Variants in OTUD7A observed in about 807,000 individuals in gnomAD.
OTUD7A encodes the protein OTU deubiquitinase 7A.
OTUD7A carries 12 observed loss-of-function variants against 65.7 expected under a neutral mutation model. The ratio of observed to expected loss-of-function variants is 0.18; its 90% CI spans 0.12 to 0.30. OTUD7A has a LOEUF of 0.30. Ranked by LOEUF, OTUD7A falls within the 10% of genes least tolerant of loss-of-function variation. OTUD7A has a pLI of 1.00. For synonymous variants in OTUD7A, 641 were observed against 586.3 expected (o/e 1.09, Z -1.35); for missense variants, 1,148 against 1,304.8 (o/e 0.88, Z 1.85).
At chr15:31,485,998 C>G (rs1162248652) in intron 12 of OTUD7A, among the ~76,000 whole-genome samples, 2 of 152,200 alleles carry the variant, frequency 1.3e-5, no homozygotes, top group Non-Finnish European at 2.9e-5. Flanking sequence ...GACACTCGGG[C>G]TGGGCCAGGA....
At chr15:31,667,186 T>C (rs1892344664) in intron 1 of OTUD7A, among the ~76,000 whole-genome samples, 1 of 152,162 alleles carries the variant, frequency 6.6e-6, no homozygotes, top group South Asian at 2.1e-4. Context: ...TTTCTTTGAC[T>C]TTCTATCTTG....
intron 1 of OTUD7A, among the ~76,000 whole-genome samples, chr15:31,701,009 T>C (rs1044329614): frequency 2.0e-5 from 3 of 152,202 alleles, no homozygotes; most frequent in Non-Finnish European, 2.9e-5. Flanking sequence ...TTGATCTAGT[T>C]GTGAGAAAAT....
At chr15:31,691,261 A>T (rs2141317900) in intron 1 of OTUD7A, among the ~76,000 whole-genome samples, 1 of 152,334 alleles carries the variant, frequency 6.6e-6, no homozygotes, top group South Asian at 2.1e-4. Flanking sequence ...TGAAACCACA[A>T]AAGACCTTGA....
chr15:31,718,421 T>C (rs2648212), intron 1 of OTUD7A, among the ~76,000 whole-genome samples: 15 of 152,204 alleles, frequency 9.9e-5, no homozygotes, highest in East Asian at 5.8e-4. Context: ...TTCTCCCCCA[T>C]TTATTTCTCT....
At chr15:31,541,131 G>C (rs552064471) in intron 5 of OTUD7A, among the ~76,000 whole-genome samples, 49 of 152,200 alleles carry the variant, frequency 3.2e-4, no homozygotes, top group Non-Finnish European at 5.4e-4. Context: ...GAATTGGGTA[G>C]ACATCTAAAT....
At chr15:31,715,461 T>C (rs1314514080) in intron 1 of OTUD7A, among the ~76,000 whole-genome samples, 1 of 151,840 alleles carries the variant, frequency 6.6e-6, no homozygotes, top group African/African-American at 2.4e-5. Context: ...ATTTCACCAC[T>C]GCTAAGAAGC....
chr15:31,530,601 T>C, intron 6 of OTUD7A, 106 bp downstream of exon 6: 1 of 1,021,578 alleles, frequency 9.8e-7, no homozygotes, highest in Non-Finnish European at 1.4e-6. Context: ...TGGGTGACTC[T>C]ATTTAGTGTA....
intron 3 of OTUD7A, among the ~76,000 whole-genome samples, chr15:31,614,887 G>A (rs1489091410): frequency 6.6e-6 from 1 of 152,136 alleles, no homozygotes; most frequent in Non-Finnish European, 1.5e-5. Flanking sequence ...GTGTTCAGAA[G>A]TACTAAGTTC....
At chr15:31,491,021 C>A (rs928713338) in intron 10 of OTUD7A, among the ~76,000 whole-genome samples, 2 of 152,128 alleles carry the variant, frequency 1.3e-5, no homozygotes, top group African/African-American at 2.4e-5. Flanking sequence ...AAAGGAAAGG[C>A]ATGCTTCTTT....
chr15:31,850,407 T>C (rs1293746733), intron 1 of OTUD7A, among the ~76,000 whole-genome samples: 1 of 150,116 alleles, frequency 6.7e-6, no homozygotes, highest in African/African-American at 2.5e-5. Context: ...CTGGGGCCTG[T>C]TGTGGGGTGG....
rs186622263 is a variant in OTUD7A at position 31,859,086 on chromosome 15, T to C, written c.-100+11421A>G. On this transcript the variant is annotated intron_variant, in intron 1 of 12. Transcript: ENST00000307050. ...GCACTATAAAACTGCAAAGACATGA[T>C]GATATGCTGTATGCAAGTTAACAAA... Among the ~76,000 whole-genome samples the C allele has an allele frequency of 7.6e-3, 1,165 of 152,390 alleles. 8 individuals carry two copies. Among genetic ancestry groups the C allele is most frequent in the Non-Finnish European group, 0.013 (864 of 68,036 alleles).
chr15:31,493,258 G>C (rs1483754443), intron 10 of OTUD7A, among the ~76,000 whole-genome samples: 1 of 151,996 alleles, frequency 6.6e-6, no homozygotes, highest in Non-Finnish European at 1.5e-5. Flanking sequence ...TGTCAAAGTA[G>C]GCTCCACAAC....
At chr15:31,745,520 C>T (rs1309809625) in intron 1 of OTUD7A, among the ~76,000 whole-genome samples, 1 of 152,040 alleles carries the variant, frequency 6.6e-6, no homozygotes, top group Non-Finnish European at 1.5e-5. Context: ...CTACCTAATG[C>T]CACAAACAAA....
At chr15:31,777,351 A>C (rs1023895919) in intron 1 of OTUD7A, among the ~76,000 whole-genome samples, 1 of 152,194 alleles carries the variant, frequency 6.6e-6, no homozygotes, top group Non-Finnish European at 1.5e-5. Context: ...TATTCAGTCT[A>C]TAGTACCCCA....
intron 1 of OTUD7A, among the ~76,000 whole-genome samples, chr15:31,753,167 T>A (rs1894684779): frequency 6.6e-6 from 1 of 152,106 alleles, no homozygotes; most frequent in Non-Finnish European, 1.5e-5. Flanking sequence ...CCAGCAGTTT[T>A]ACCACCATTA....
At chr15:31,830,800 T>C (rs988223710) in intron 1 of OTUD7A, among the ~76,000 whole-genome samples, 3 of 152,354 alleles carry the variant, frequency 2.0e-5, no homozygotes, top group African/African-American at 7.2e-5. Context: ...GTCATCACCA[T>C]CACTCAGTGA....
chr15:31,786,820 T>C (rs1895685576), intron 1 of OTUD7A, among the ~76,000 whole-genome samples: 1 of 152,024 alleles, frequency 6.6e-6, no homozygotes, highest in Non-Finnish European at 1.5e-5. Flanking sequence ...CATCCCAGAG[T>C]TCTGACCCAG....
In OTUD7A at chr15:31,638,638, C is replaced by T. The variant is rs138839289; in HGVS notation, c.151+16458G>A. 5.9e-5 allele frequency among the ~76,000 whole-genome samples: 9 copies of T among 151,996 alleles called. No individual in the cohort carries two copies. The East Asian group carries it at 9.7e-4, about 16-fold the overall frequency. On this transcript the variant is annotated intron_variant, in intron 3 of 12. Transcript: ENST00000307050. ...TCTGGAACTCTGGGCTCAAGCTATCCGTCCTCCTTGGCTCTCAAAGTGCTG... is the reference window on the plus strand; with the variant it reads ...TCTGGAACTCTGGGCTCAAGCTATCTGTCCTCCTTGGCTCTCAAAGTGCTG...
chr15:31,508,167 A>G (rs1388820455), intron 8 of OTUD7A, among the ~76,000 whole-genome samples: 1 of 152,188 alleles, frequency 6.6e-6, no homozygotes, highest in Admixed American at 6.5e-5. Context: ...TATGAAAATT[A>G]AGCTTTTTAA....
Sources: gnomAD v4.1 joint callset for allele counts (sites outside exome capture counted in the v4.1 genomes callset) on GRCh38, gnomAD v4.1.1 for gene constraint, MANE v1.5 for transcripts, NCBI Gene and HGNC (gene_info 2026-07-23, HGNC 2026-07-21) for gene names.